Variants in XPO7 observed in about 807,000 individuals in gnomAD.
XPO7 encodes exportin-7.
In XPO7, 21 loss-of-function variants were observed where a neutral mutation model predicts 144.3. The observed-to-expected ratio is 0.15, with a 90% CI of 0.10 to 0.21. XPO7 has a LOEUF of 0.21. XPO7 is among the 10% of genes least tolerant of loss of function. XPO7 has a pLI of 1.00. For missense variants in XPO7, 808 were observed against 1,325.8 expected, an observed-to-expected ratio of 0.61 and a Z score of 6.06; for synonymous variants, 580 against 499.6, an observed-to-expected ratio of 1.16 and a Z score of -2.15.
At chr8:21,954,987 C>G (rs956002195) in intron 1 of XPO7, among the ~76,000 whole-genome samples, 2 of 152,168 alleles carry the variant, frequency 1.3e-5, no homozygotes, top group African/African-American at 4.8e-5. Context: ...CAGGATTGTT[C>G]TTCCAGTATA....
intron 1 of XPO7, among the ~76,000 whole-genome samples, chr8:21,935,188 T>C (rs1810782143): frequency 6.6e-6 from 1 of 152,212 alleles, no homozygotes; most frequent in Non-Finnish European, 1.5e-5. Context: ...TTTTGACTAC[T>C]CTATGATTAG....
At chr8:21,962,532 A>G (rs1450670355) in intron 1 of XPO7, among the ~76,000 whole-genome samples, 1 of 152,212 alleles carries the variant, frequency 6.6e-6, no homozygotes, top group Non-Finnish European at 1.5e-5. Flanking sequence ...AATTTAGGAA[A>G]AGAATGTAGC....
At chr8:21,958,905 G>C (rs1189410960) in intron 1 of XPO7, among the ~76,000 whole-genome samples, 1 of 151,052 alleles carries the variant, frequency 6.6e-6, no homozygotes, top group African/African-American at 2.4e-5. Flanking sequence ...AGGTTGCAGT[G>C]AGCCGAGTTC....
intron 7 of XPO7, among the ~76,000 whole-genome samples, chr8:21,977,016 A>C (rs1375986399): frequency 6.6e-6 from 1 of 152,222 alleles, no homozygotes; most frequent in Non-Finnish European, 1.5e-5. Context: ...TAGATCCCCC[A>C]GTGTCAAAGA....
At chr8:21,924,456 C>T (rs867280542) in intron 1 of XPO7, among the ~76,000 whole-genome samples, 1 of 151,780 alleles carries the variant, frequency 6.6e-6, no homozygotes, top group Admixed American at 6.6e-5. Context: ...CTCCCCCCCC[C>T]ACCCCACTAA....
At chr8:21,924,114 A>C (rs1214346007) in intron 1 of XPO7, among the ~76,000 whole-genome samples, 1 of 152,090 alleles carries the variant, frequency 6.6e-6, no homozygotes, top group Non-Finnish European at 1.5e-5. Flanking sequence ...AGGTTTACAC[A>C]CAGCGGGCCT....
At chr8:21,965,121 A>G (rs1376264552) in intron 1 of XPO7, among the ~76,000 whole-genome samples, 1 of 141,430 alleles carries the variant, frequency 7.1e-6, no homozygotes, top group Non-Finnish European at 1.5e-5. Flanking sequence ...CTTGTTACCT[A>G]TTTTCCTAAA....
chr8:21,949,387 G>A (rs1056942048), intron 1 of XPO7, among the ~76,000 whole-genome samples: 3 of 152,162 alleles, frequency 2.0e-5, no homozygotes, highest in African/African-American at 7.2e-5. Context: ...CTTGTCTGAA[G>A]CCTACATACT....
intron 21 of XPO7, 106 bp downstream of exon 21, chr8:21,995,705 C>G: frequency 3.6e-6 from 3 of 831,494 alleles, no homozygotes; most frequent in Non-Finnish European, 5.3e-6. Flanking sequence ...AGATTCACTA[C>G]TGCATTTTAA....
rs747467512 is a variant in XPO7 at position 22,003,962 on chromosome 8, C to T, written c.3102C>T (p.Ala1034=). ...VNSQPPEKQQ[A]MHLCFENLME... ...GCCAGCCACCGGAGAAGCAGCAGGC[C>T]ATGCACCTGTGTTTTGAGAACCTGA... The change falls in exon 27 of 28, where the codon GCC becomes GCT. Residue 1034 remains alanine, a synonymous_variant. Coordinates refer to ENST00000252512, the MANE Select transcript of XPO7 (RefSeq NM_015024.5). 1.1e-5 allele frequency: 17 copies of T among 1,613,812 alleles called. No homozygotes were observed. The South Asian group carries it at 1.8e-4, about 17-fold the overall frequency.
chr8:21,928,902 A>G (rs936213076), intron 1 of XPO7, among the ~76,000 whole-genome samples: 8 of 152,256 alleles, frequency 5.3e-5, no homozygotes, highest in African/African-American at 1.9e-4. Flanking sequence ...GGCAGAGCTG[A>G]ATAGTCTTGA....
rs181724940 is a variant in XPO7, at chr8:21,993,263, C to T, written c.2149-1100C>T. Among the ~76,000 whole-genome samples, 6 of 152,248 alleles carry T rather than the reference C, an allele frequency of 3.9e-5. No individual in the cohort carries two copies. In the East Asian group the frequency reaches 9.6e-4, roughly 24 times the overall value. On this transcript the variant is annotated intron_variant, in intron 19 of 27. Transcript: ENST00000252512. ...AAGCAAGTAAAATTAACCAAAAGAA[C>T]AACCTTGGTAATGGACTACAGCTGT...
chr8:21,940,997 G>T (rs561502123), intron 1 of XPO7, among the ~76,000 whole-genome samples: 2 of 152,224 alleles, frequency 1.3e-5, no homozygotes, highest in South Asian at 4.1e-4. Context: ...TCTTCAGTAG[G>T]TAAATTACAG....
rs1170364778 is a variant in XPO7, at chr8:21,989,821, CTTTTTTTTTTTTTTTTTTTTTTTTTTTTT to C, written c.1869-505_1869-477del. On this transcript the variant is annotated intron_variant, in intron 16 of 27. Coordinates refer to ENST00000252512, the MANE Select transcript of XPO7 (RefSeq NM_015024.5). ...AATAGGAGTTTGGTATAGGTGTTTC[CTTTTTTTTTTTTTTTTTTTTTTTTTTTTT>C]TTTTTTTTTTTTTTTTTGAGATGGA... Among the ~76,000 whole-genome samples, 101 of 59,710 alleles carry C rather than the reference CTTTTTTTTTTTTTTTTTTTTTTTTTTTTT, an allele frequency of 1.7e-3. 5 individuals are homozygous for C. Among genetic ancestry groups the C allele is most frequent in the Middle Eastern group, 0.022 (2 of 90 alleles). 39.2% of individuals were successfully genotyped at this position (59,710 alleles called of 152,430 possible). A position where few individuals can be genotyped will look rare whatever the true frequency, so the allele number is the denominator to read the frequency against.
chr8:21,930,495 G>A (rs1365282724), intron 1 of XPO7, among the ~76,000 whole-genome samples: 1 of 152,190 alleles, frequency 6.6e-6, no homozygotes, highest in Non-Finnish European at 1.5e-5. Flanking sequence ...GCCTCTTAAA[G>A]TGGTGAATAA....
chr8:21,997,035 C>T (rs1054367385), intron 21 of XPO7, among the ~76,000 whole-genome samples: 1 of 152,074 alleles, frequency 6.6e-6, no homozygotes, highest in African/African-American at 2.4e-5. Flanking sequence ...CTTGAACTCC[C>T]GACTTGAGGT....
At position 21,985,708 on chromosome 8, in the gene XPO7, G is replaced by C. The variant is rs1261579251; in HGVS notation, c.1577+17G>C. The C allele has an allele frequency of 1.9e-6, 3 of 1,609,700 alleles. No homozygotes were observed. In the African/African-American group the frequency reaches 4.0e-5, roughly 21 times the overall value. On this transcript the variant is annotated intron_variant, in intron 13 of 27. Coordinates refer to ENST00000252512, the MANE Select transcript of XPO7 (RefSeq NM_015024.5). ...TGTCTGTCGGTAAGTGCTCCCCACA[G>C]AAGCTCTCCACTCTGCCTTGCTGGC...
intron 21 of XPO7, among the ~76,000 whole-genome samples, chr8:21,998,279 A>G (rs1813019086): frequency 6.6e-6 from 1 of 152,126 alleles, no homozygotes; most frequent in Non-Finnish European, 1.5e-5. Context: ...ATCTCCACTA[A>G]AAATACAAAA....
At chr8:21,998,302 G>A (rs562414167) in intron 21 of XPO7, among the ~76,000 whole-genome samples, 18 of 152,262 alleles carry the variant, frequency 1.2e-4, no homozygotes, top group African/African-American at 2.9e-4. Context: ...TTAGCTGGGC[G>A]TGGTGGCGGG....
Sources: gnomAD v4.1 joint callset for allele counts (sites outside exome capture counted in the v4.1 genomes callset) on GRCh38, gnomAD v4.1.1 for gene constraint, MANE v1.5 for transcripts, NCBI Gene and HGNC (gene_info 2026-07-23, HGNC 2026-07-21) for gene names.